ZFHX3: variants seen among roughly 807,000 people sequenced by gnomAD.
The protein encoded by ZFHX3 is zinc finger homeobox 3, also known as zinc finger homeobox protein 3.
In ZFHX3, 42 loss-of-function variants were observed where a neutral mutation model predicts 279.1. The ratio of observed to expected loss-of-function variants is 0.15; its 90% confidence interval spans 0.12 to 0.19. The LOEUF (loss-of-function observed/expected upper bound fraction) is 0.19, where lower values mean the gene tolerates loss of function less well. Among genes scored for constraint, ZFHX3 ranks in the 10% least tolerant of loss-of-function variants. The pLI is 1.00. For missense variants in ZFHX3, 4,981 were observed against 4,754.0 expected (o/e 1.05, Z -1.40); for synonymous variants, 2,293 against 1,957.8 (o/e 1.17, Z -4.52).
At chr16:73,802,070 T>A (rs1474619485) in intron 1 of ZFHX3, among the ~76,000 whole-genome samples, 2 of 152,202 alleles carry the variant, frequency 1.3e-5, no homozygotes, top group African/African-American at 4.8e-5. Flanking sequence ...AGGTAACAAA[T>A]GCATCAGTGA....
intron 1 of ZFHX3, among the ~76,000 whole-genome samples, chr16:72,983,371 G>C (rs1013184826): frequency 6.6e-6 from 1 of 152,160 alleles, no homozygotes; most frequent in African/African-American, 2.4e-5. Context: ...CAGGATCCCC[G>C]AACATCCCAG....
chr16:73,726,564 G>T (rs1171141554), intron 1 of ZFHX3, among the ~76,000 whole-genome samples: 1 of 152,132 alleles, frequency 6.6e-6, no homozygotes, highest in African/African-American at 2.4e-5. Context: ...AAGGAAAGAG[G>T]TTTGAGTGGC....
intron 5 of ZFHX3, among the ~76,000 whole-genome samples, chr16:73,188,888 G>A (rs1244648123): frequency 6.7e-6 from 1 of 149,180 alleles, no homozygotes; most frequent in Non-Finnish European, 1.5e-5. Flanking sequence ...TTTTGAGATG[G>A]AGTCTTGCTC....
At chr16:73,270,510 G>A (rs749018501) in intron 4 of ZFHX3, among the ~76,000 whole-genome samples, 7 of 152,190 alleles carry the variant, frequency 4.6e-5, no homozygotes, top group Admixed American at 2.0e-4. Context: ...AAACACAACA[G>A]CAGGTGCTTC....
At chr16:73,373,118 T>C (rs775885266) in intron 3 of ZFHX3, among the ~76,000 whole-genome samples, 1 of 127,450 alleles carries the variant, frequency 7.8e-6, no homozygotes, top group Admixed American at 8.4e-5. Flanking sequence ...GGACTTATAT[T>C]TGTGGGGCGC....
chr16:73,253,436 T>A (rs1186428368), intron 5 of ZFHX3, among the ~76,000 whole-genome samples: 1 of 145,058 alleles, frequency 6.9e-6, no homozygotes, highest in Non-Finnish European at 1.5e-5. Context: ...GGATTGGTTG[T>A]ATGATTTTCT....
At chr16:73,339,119 A>G (rs925820637) in intron 3 of ZFHX3, among the ~76,000 whole-genome samples, 1 of 152,188 alleles carries the variant, frequency 6.6e-6, no homozygotes, top group Non-Finnish European at 1.5e-5. Flanking sequence ...ATTTCTTTAT[A>G]GCAATGTGAG....
chr16:73,403,024 G>C (rs1475062166), intron 3 of ZFHX3, among the ~76,000 whole-genome samples: 1 of 152,158 alleles, frequency 6.6e-6, no homozygotes, highest in African/African-American at 2.4e-5. Context: ...ATACACAACA[G>C]TGTAAATAGG....
At chr16:73,172,932 T>G (rs12923170) in intron 5 of ZFHX3, among the ~76,000 whole-genome samples, 1 of 42,170 alleles carries the variant, frequency 2.4e-5, no homozygotes, top group African/African-American at 8.9e-5. Flanking sequence ...CTGCCTGTGG[T>G]TTTTTTTTTT....
At chr16:73,344,428 T>C (rs2016088770) in intron 3 of ZFHX3, among the ~76,000 whole-genome samples, 1 of 152,188 alleles carries the variant, frequency 6.6e-6, no homozygotes, top group Admixed American at 6.5e-5. Context: ...TGAAAGAAAC[T>C]AGAGAGATGT....
intron 2 of ZFHX3, among the ~76,000 whole-genome samples, chr16:73,663,390 A>G (rs2052804814): frequency 6.6e-6 from 1 of 152,100 alleles, no homozygotes; most frequent in African/African-American, 2.4e-5. Flanking sequence ...CACCTTGACC[A>G]CCTCCACTCC....
chr16:72,971,946 G>A (rs976898386), intron 1 of ZFHX3, among the ~76,000 whole-genome samples: 8 of 147,806 alleles, frequency 5.4e-5, no homozygotes, highest in Non-Finnish European at 8.9e-5. Context: ...AGTACAATGG[G>A]GCGATCTCAG....
intron 2 of ZFHX3, among the ~76,000 whole-genome samples, chr16:73,672,186 A>T (rs2052910514): frequency 6.6e-6 from 1 of 152,144 alleles, no homozygotes; most frequent in Non-Finnish European, 1.5e-5. Flanking sequence ...TATAATCTTT[A>T]CTCTGACACC....
Position 73,427,444 on chromosome 16 carries a change from C to T in ZFHX3, c.-1291+28559G>A, listed in dbSNP as rs1029390177. Among the ~76,000 whole-genome samples the T allele has an allele frequency of 1.2e-4, 18 of 152,176 alleles. No individual in the cohort carries two copies. The East Asian group carries it at 2.9e-3, about 24-fold the overall frequency. On this transcript the variant is annotated intron_variant, in intron 3 of 17. Transcript: ENST00000641206. ...GCCTGCCTGCCACCCAGCTCGCTAA[C>T]GGCAGCAGTACCTGGGCACCAGCTA...
chr16:73,199,739 A>G (rs966604771), intron 5 of ZFHX3, among the ~76,000 whole-genome samples: 3 of 152,212 alleles, frequency 2.0e-5, no homozygotes, highest in Admixed American at 1.3e-4. Context: ...TTGGGAGGCC[A>G]TGGTGGATGG....
At chr16:72,844,156 C>T (rs1307682843) in intron 4 of ZFHX3, among the ~76,000 whole-genome samples, 2 of 152,224 alleles carry the variant, frequency 1.3e-5, no homozygotes, top group East Asian at 3.8e-4. Flanking sequence ...GTCCAAGGCA[C>T]TGCTGACAGG....
chr16:73,374,602 T>C (rs1431427183), intron 3 of ZFHX3, among the ~76,000 whole-genome samples: 2 of 152,248 alleles, frequency 1.3e-5, no homozygotes, highest in East Asian at 1.9e-4. Context: ...ATTTCTCTGA[T>C]TGTCCTATAC....
At position 73,875,292 on chromosome 16, in the gene ZFHX3, T is replaced by C. The variant is rs150547041; in HGVS notation, c.-1608+16359A>G. ...CATGCTGAATATAAATGATACATCA[T>C]GATTTCCCATAGTGTATGGAATTTA... On this transcript the variant is annotated intron_variant, in intron 1 of 17. Coordinates refer to the ZFHX3 transcript ENST00000641206. Among the ~76,000 whole-genome samples, 24 of 152,300 alleles carry C rather than the reference T, an allele frequency of 1.6e-4. No homozygotes were observed. In the East Asian group the frequency reaches 4.6e-3, roughly 29 times the overall value.
At chr16:73,597,753 C>A (rs1488704476) in intron 2 of ZFHX3, among the ~76,000 whole-genome samples, 2 of 152,126 alleles carry the variant, frequency 1.3e-5, no homozygotes, top group African/African-American at 4.8e-5. Flanking sequence ...CTGCCAACAC[C>A]TTGATTTCAG....
Sources: gnomAD v4.1 joint callset for allele counts (sites outside exome capture counted in the v4.1 genomes callset) on GRCh38, gnomAD v4.1.1 for gene constraint, MANE v1.5 for transcripts, NCBI Gene and HGNC (gene_info 2026-07-23, HGNC 2026-07-21) for gene names.